The following SEC24A variants were observed in gnomAD, a reference collection of about 807,000 sequenced individuals.
SEC24A encodes protein transport protein Sec24A.
Under a neutral mutation model 129.4 loss-of-function variants are expected in SEC24A, and 93 were observed. The observed-to-expected ratio is 0.72, with a 90% CI of 0.61 to 0.85. The LOEUF (loss-of-function observed/expected upper bound fraction) is 0.85, where lower values mean the gene tolerates loss of function less well. Among genes scored for constraint, SEC24A ranks in the 40% least tolerant of loss-of-function variants. The pLI, the probability that SEC24A is intolerant of heterozygous loss-of-function variation, is 0.00. For missense variants in SEC24A, 1,264 were observed against 1,307.4 expected (o/e 0.97, Z 0.51); for synonymous variants, 460 against 467.3 (o/e 0.98, Z 0.20).
chr5:134,692,945 G>T (rs886244800), intron 12 of SEC24A: 3 of 1,083,382 alleles, frequency 2.8e-6, no homozygotes, highest in Non-Finnish European at 4.1e-6. Flanking sequence ...GAAGTTGGGA[G>T]GGTTGCTGAG....
intron 17 of SEC24A, among the ~76,000 whole-genome samples, chr5:134,705,932 G>A (rs1247582218): frequency 1.3e-5 from 2 of 148,298 alleles, no homozygotes; most frequent in African/African-American, 5.0e-5. Flanking sequence ...TTATTGCCCA[G>A]GCTGGAGTGT....
At chr5:134,672,734 G>A (rs903419998) in intron 4 of SEC24A, among the ~76,000 whole-genome samples, 11 of 151,676 alleles carry the variant, frequency 7.3e-5, no homozygotes, top group Non-Finnish European at 1.5e-4. Flanking sequence ...TGACTATAGA[G>A]TACTTTTAGG....
intron 21 of SEC24A, among the ~76,000 whole-genome samples, chr5:134,721,397 T>TTTTTTTTTTTTTTTTTTTTTTTTTGAG (rs1752623675): frequency 6.6e-6 from 1 of 151,692 alleles, no homozygotes; most frequent in African/African-American, 2.4e-5. Context: ...CCCCCTTCTC[T>TTTTTTTTTTTTTTTTTTTTTTTTTGAG]ACTAAAAATA....
chr5:134,697,257 C>A lies in SEC24A; in HGVS notation c.2107+11C>A. The A allele has an allele frequency of 6.3e-7, 1 of 1,579,204 alleles. No homozygotes were observed. Among genetic ancestry groups the A allele is most frequent in the Non-Finnish European group, 8.6e-7 (1 of 1,158,360 alleles). Reference sequence around the variant, plus strand: ...ATTTGGCTTCTCTGGGTAAGTTCTTCGTAATGATTTTTTTTTTCCGTTAAA... The same window carrying A: ...ATTTGGCTTCTCTGGGTAAGTTCTTAGTAATGATTTTTTTTTTCCGTTAAA... On this transcript the variant is annotated intron_variant, in intron 14 of 22. Coordinates refer to ENST00000398844, the MANE Select transcript of SEC24A (RefSeq NM_021982.3).
chr5:134,676,367 T>C (rs1458707861), intron 7 of SEC24A, among the ~76,000 whole-genome samples: 1 of 151,398 alleles, frequency 6.6e-6, no homozygotes, highest in Non-Finnish European at 1.5e-5. Flanking sequence ...CTTGAACTCC[T>C]GACCTCGTGA....
At chr5:134,697,721 G>C (rs1751870475) in intron 14 of SEC24A, among the ~76,000 whole-genome samples, 178 bp from the exon 15 acceptor site, 1 of 152,106 alleles carries the variant, frequency 6.6e-6, no homozygotes, top group Non-Finnish European at 1.5e-5. Flanking sequence ...TATCACTACT[G>C]CACTCCAGCC....
intron 1 of SEC24A, among the ~76,000 whole-genome samples, chr5:134,651,418 C>T (rs182535278): frequency 2.4e-3 from 360 of 150,820 alleles, no homozygotes; most frequent in African/African-American, 8.3e-3. Context: ...CCTCAGCCTC[C>T]CGAGTAGCTG....
chr5:134,723,241 G>A (rs1752671822), intron 21 of SEC24A, among the ~76,000 whole-genome samples: 2 of 151,880 alleles, frequency 1.3e-5, no homozygotes, highest in Admixed American at 6.6e-5. Flanking sequence ...CGAGGCAGGT[G>A]TATCGCCTGA....
chr5:134,698,345 T>C (rs1751894759), intron 15 of SEC24A, among the ~76,000 whole-genome samples: 1 of 152,188 alleles, frequency 6.6e-6, no homozygotes, highest in African/African-American at 2.4e-5. Context: ...GGCTCATGCC[T>C]GTAATTCCAG....
At position 134,672,181 on chromosome 5, in the gene SEC24A, C is replaced by CTTTTTG. The variant is rs549281427; in HGVS notation, c.817+313_817+318dup. On this transcript the variant is annotated intron_variant, in intron 4 of 22. Transcript: ENST00000398844. ...CATAGCCACGTGTCACCATGCCCAG[C>CTTTTTG]TTTTTGTTTTTGTTTTTGTTTTTTG... Among the ~76,000 whole-genome samples the CTTTTTG allele has an allele frequency of 7.8e-3, 1,189 of 151,516 alleles. 6 individuals carry two copies. Among genetic ancestry groups the CTTTTTG allele is most frequent in the Middle Eastern group, 0.041 (12 of 292 alleles).
At chr5:134,675,341 A>T in intron 6 of SEC24A, 124 bp downstream of exon 6, 2 of 697,304 alleles carry the variant, frequency 2.9e-6, no homozygotes, top group South Asian at 5.6e-5. Context: ...GATACAGATG[A>T]TAGAACTCTT....
chr5:134,690,122 G>A (rs1475709053), intron 11 of SEC24A, among the ~76,000 whole-genome samples: 1 of 152,184 alleles, frequency 6.6e-6, no homozygotes, highest in African/African-American at 2.4e-5. Context: ...AGGTTCAAGT[G>A]ATTTTCCTAC....
intron 11 of SEC24A, among the ~76,000 whole-genome samples, chr5:134,690,426 A>C (rs999778216): frequency 6.6e-6 from 1 of 151,600 alleles, no homozygotes; most frequent in African/African-American, 2.4e-5. Context: ...CGATCCTTCC[A>C]CCTCGGCTTT....
intron 15 of SEC24A, 56 bp downstream of exon 15, chr5:134,698,113 G>A (rs1335529450): frequency 2.1e-6 from 3 of 1,436,150 alleles, no homozygotes; most frequent in East Asian, 2.3e-5. Context: ...TTCAGTAAAT[G>A]TACATGTTTT....
intron 16 of SEC24A, 57 bp from the exon 17 acceptor site, chr5:134,705,270 A>G: frequency 1.5e-6 from 2 of 1,355,878 alleles, no homozygotes; most frequent in Non-Finnish European, 2.1e-6. Context: ...TGACTTTAAC[A>G]TAATCTTTTG....
At chr5:134,718,378 G>A (rs778849370) in intron 20 of SEC24A, among the ~76,000 whole-genome samples, 4 of 152,108 alleles carry the variant, frequency 2.6e-5, no homozygotes, top group Non-Finnish European at 4.4e-5. Flanking sequence ...TGAAGAATTC[G>A]TATCATTTAG....
chr5:134,718,640 T>A (rs1233328420), intron 20 of SEC24A, among the ~76,000 whole-genome samples: 3 of 152,118 alleles, frequency 2.0e-5, no homozygotes, highest in African/African-American at 7.2e-5. Context: ...TGTGTTTCAG[T>A]ATTTAACAAA....
At chr5:134,650,536 T>TC (rs1169747085) in intron 1 of SEC24A, among the ~76,000 whole-genome samples, 1 of 151,176 alleles carries the variant, frequency 6.6e-6, no homozygotes, top group African/African-American at 2.4e-5. Flanking sequence ...TTGTTCCACA[T>TC]CTTTTTTTTT....
intron 4 of SEC24A, 92 bp downstream of exon 4, chr5:134,671,978 G>A: frequency 1.3e-6 from 1 of 773,842 alleles, no homozygotes; most frequent in Non-Finnish European, 2.2e-6. Flanking sequence ...GAAACTAAGA[G>A]GGAAACTTCA....
Sources: allele counts gnomAD v4.1 joint callset (sites outside exome capture counted in the v4.1 genomes callset), GRCh38; gene constraint gnomAD v4.1.1; transcripts MANE v1.5; gene names NCBI Gene and HGNC (gene_info 2026-07-23, HGNC 2026-07-21).